AUTS2: variants seen among roughly 807,000 people sequenced by gnomAD.
The protein encoded by AUTS2 is autism susceptibility gene 2 protein.
AUTS2 carries 17 observed loss-of-function variants against 112.4 expected under a neutral mutation model. That is an observed-to-expected ratio of 0.15 (90% CI 0.10 to 0.23). The LOEUF (loss-of-function observed/expected upper bound fraction) is 0.23, where lower values mean the gene tolerates loss of function less well. Among genes scored for constraint, AUTS2 ranks in the 10% least tolerant of loss-of-function variants. The pLI is 1.00. For missense variants in AUTS2, 1,510 were observed against 1,701.6 expected (o/e 0.89, Z 1.98); for synonymous variants, 751 against 702.7 (o/e 1.07, Z -1.09).
intron 14 of AUTS2, among the ~76,000 whole-genome samples, chr7:70,778,525 C>T (rs566268389): frequency 2.0e-4 from 31 of 151,542 alleles, no homozygotes; most frequent in African/African-American, 6.8e-4. Flanking sequence ...CCCCTTGAGC[C>T]TGGGAGTTTG....
chr7:70,412,554 A>G (rs1036798804), intron 4 of AUTS2, among the ~76,000 whole-genome samples: 1 of 152,228 alleles, frequency 6.6e-6, no homozygotes, highest in Non-Finnish European at 1.5e-5. Context: ...TGGCCATTAT[A>G]AAGTGAGAGC....
chr7:70,053,020 C>T (rs897750404), intron 2 of AUTS2, among the ~76,000 whole-genome samples: 2 of 152,196 alleles, frequency 1.3e-5, no homozygotes, highest in East Asian at 1.9e-4. Flanking sequence ...CTTACTTGCT[C>T]AGCACTCAGG....
intron 5 of AUTS2, among the ~76,000 whole-genome samples, chr7:70,552,601 T>C (rs1801059781): frequency 6.6e-6 from 1 of 152,122 alleles, no homozygotes; most frequent in South Asian, 2.1e-4. Context: ...CCTTTGAAAA[T>C]TTTCGTAAAA....
chr7:70,750,842 G>A (rs764554579), intron 6 of AUTS2, among the ~76,000 whole-genome samples: 4 of 152,176 alleles, frequency 2.6e-5, no homozygotes, highest in African/African-American at 7.2e-5. Flanking sequence ...GGTAGATGAC[G>A]GACAGTATGT....
intron 6 of AUTS2, among the ~76,000 whole-genome samples, chr7:70,711,625 T>C (rs1298533549): frequency 1.3e-5 from 2 of 152,200 alleles, no homozygotes; most frequent in African/African-American, 2.4e-5. Context: ...AGCAAATCTT[T>C]GAACAGTGGG....
chr7:69,775,474 C>T (rs1253969899), intron 1 of AUTS2, among the ~76,000 whole-genome samples: 2 of 152,154 alleles, frequency 1.3e-5, no homozygotes, highest in Non-Finnish European at 2.9e-5. Flanking sequence ...CCCAGGGACT[C>T]TCCTCACTGA....
intron 4 of AUTS2, among the ~76,000 whole-genome samples, chr7:70,191,544 T>C (rs923933502): frequency 2.0e-5 from 3 of 152,196 alleles, no homozygotes; most frequent in Non-Finnish European, 2.9e-5. Context: ...TTATCAACTT[T>C]CATGTCTTAT....
intron 2 of AUTS2, among the ~76,000 whole-genome samples, chr7:69,993,465 A>G (rs1427806966): frequency 1.3e-5 from 2 of 152,170 alleles, no homozygotes; most frequent in African/African-American, 4.8e-5. Flanking sequence ...AATATATGTT[A>G]CTAGGCTAGG....
rs1402144353 is a variant in AUTS2, at chr7:69,973,951, G to C, written c.522+74453G>C. On this transcript the variant is annotated intron_variant, in intron 2 of 18. Transcript: ENST00000342771. ...ACTGGCTCCATAAAATGATTTAAAA[G>C]TGTTCACTCCTTATTTGTTTGCTGG... Among the ~76,000 whole-genome samples, 8 of 152,134 alleles carry C rather than the reference G, an allele frequency of 5.3e-5. No individual in the cohort carries two copies. The East Asian group carries it at 1.5e-3, about 29-fold the overall frequency.
Position 70,387,110 on chromosome 7 carries a change from G to C in AUTS2, c.661-48642G>C, listed in dbSNP as rs116337061. Reference sequence around the variant, plus strand: ...TTTTAAAAAATACCTCTATCCTGCTGCCTCCTCAAGCTACCATTCTCTTTT... The same window carrying C: ...TTTTAAAAAATACCTCTATCCTGCTCCCTCCTCAAGCTACCATTCTCTTTT... On this transcript the variant is annotated intron_variant, in intron 4 of 18. Transcript: ENST00000342771. Among the ~76,000 whole-genome samples, 318 of 152,214 alleles carry C rather than the reference G, an allele frequency of 2.1e-3. 1 individual carries two copies. Among genetic ancestry groups the C allele is most frequent in the African/African-American group, 7.4e-3 (307 of 41,528 alleles).
intron 1 of AUTS2, among the ~76,000 whole-genome samples, chr7:69,636,665 GT>G (rs1201628714): frequency 1.3e-5 from 2 of 152,000 alleles, no homozygotes; most frequent in African/African-American, 4.8e-5. Context: ...TTCATGTGTT[GT>G]TTTTACAAAA....
Position 69,664,744 on chromosome 7 carries a change from G to C in AUTS2, c.309+64782G>C, listed in dbSNP as rs1336527512. On this transcript the variant is annotated intron_variant, in intron 1 of 18. Coordinates refer to ENST00000342771, the MANE Select transcript of AUTS2 (RefSeq NM_015570.4). Reference sequence around the variant, plus strand: ...ACAGTCTAGTTAGAGCTGGGCACCTGTCATAAATTGTCAGGTTGAAGAGGT... The same window carrying C: ...ACAGTCTAGTTAGAGCTGGGCACCTCTCATAAATTGTCAGGTTGAAGAGGT... Among the ~76,000 whole-genome samples, 8 of 152,306 alleles carry C rather than the reference G, an allele frequency of 5.3e-5. No individual in the cohort carries two copies. In the East Asian group the frequency reaches 1.5e-3, roughly 29 times the overall value.
At chr7:70,226,245 T>C (rs1448509837) in intron 4 of AUTS2, among the ~76,000 whole-genome samples, 2 of 152,098 alleles carry the variant, frequency 1.3e-5, no homozygotes, top group African/African-American at 4.8e-5. Flanking sequence ...TGGAGTACAG[T>C]AGAGCAATCT....
chr7:70,420,774 C>T (rs184955007), intron 4 of AUTS2, among the ~76,000 whole-genome samples: 31 of 152,266 alleles, frequency 2.0e-4, no homozygotes, highest in African/African-American at 6.0e-4. Flanking sequence ...ATCAGTGATA[C>T]GGTAAGGGAC....
At chr7:69,771,449 T>C (rs1788658572) in intron 1 of AUTS2, among the ~76,000 whole-genome samples, 3 of 152,178 alleles carry the variant, frequency 2.0e-5, no homozygotes, top group Non-Finnish European at 4.4e-5. Context: ...TTGCTTCTGC[T>C]GTCAAGGAGT....
chr7:70,527,361 G>T (rs1799882961), intron 5 of AUTS2, among the ~76,000 whole-genome samples: 1 of 151,874 alleles, frequency 6.6e-6, no homozygotes, highest in African/African-American at 2.4e-5. Context: ...TTTTTGGGGG[G>T]GTTGAACCCC....
chr7:70,789,176 G>A (rs569178421), intron 18 of AUTS2, among the ~76,000 whole-genome samples: 7 of 152,094 alleles, frequency 4.6e-5, no homozygotes, highest in Non-Finnish European at 7.4e-5. Context: ...CCTTTCTCAC[G>A]TGCTGTGTCT....
At chr7:70,029,712 A>G (rs1029477957) in intron 2 of AUTS2, among the ~76,000 whole-genome samples, 1 of 152,202 alleles carries the variant, frequency 6.6e-6, no homozygotes, top group Non-Finnish European at 1.5e-5. Flanking sequence ...AAAAACAACT[A>G]GTTGTGAATC....
At chr7:70,016,034 G>T (rs934279174) in intron 2 of AUTS2, among the ~76,000 whole-genome samples, 3 of 152,122 alleles carry the variant, frequency 2.0e-5, no homozygotes, top group Non-Finnish European at 4.4e-5. Flanking sequence ...TGAGGCTGTT[G>T]CTTCATATTG....
Sources: gnomAD v4.1 joint callset for allele counts (sites outside exome capture counted in the v4.1 genomes callset) on GRCh38, gnomAD v4.1.1 for gene constraint, MANE v1.5 for transcripts, NCBI Gene and HGNC (gene_info 2026-07-23, HGNC 2026-07-21) for gene names.